The following NPSR1 variants were observed in gnomAD, a reference collection of about 807,000 sequenced individuals.
The protein encoded by NPSR1 is neuropeptide S receptor.
Under a neutral mutation model 46.9 loss-of-function variants are expected in NPSR1, and 48 were observed. The observed-to-expected ratio is 1.02, with a 90% confidence interval of 0.81 to 1.30. The LOEUF is 1.30. Among genes scored for constraint, NPSR1 ranks in the 50% most tolerant of loss-of-function variants. The probability of loss-of-function intolerance (pLI) is 0.00; values close to 1 mark genes in which losing one functional copy is unlikely to be tolerated. For synonymous variants in NPSR1, 176 were observed against 168.1 expected (o/e 1.05, Z -0.36); for missense variants, 450 against 449.5 (o/e 1.00, Z -0.01).
At chr7:34,832,160 A>G (rs776931680) in intron 5 of NPSR1, among the ~76,000 whole-genome samples, 11 of 152,248 alleles carry the variant, frequency 7.2e-5, no homozygotes, top group Non-Finnish European at 1.2e-4. Context: ...ATGGAGAGGA[A>G]GGTACAGATT....
chr7:34,813,577 C>T (rs543779650), intron 4 of NPSR1, among the ~76,000 whole-genome samples: 33 of 152,268 alleles, frequency 2.2e-4, no homozygotes, highest in Middle Eastern at 3.4e-3. Flanking sequence ...CACAAAAATC[C>T]ATGTGAACGA....
chr7:34,789,441 C>T (rs780222346), intron 3 of NPSR1, among the ~76,000 whole-genome samples: 13 of 151,752 alleles, frequency 8.6e-5, no homozygotes, highest in Non-Finnish European at 1.8e-4. Flanking sequence ...GAAATGAAAG[C>T]TGAGACATTA....
intron 2 of NPSR1, among the ~76,000 whole-genome samples, chr7:34,702,188 C>T (rs987814934): frequency 6.6e-6 from 1 of 152,138 alleles, no homozygotes; most frequent in African/African-American, 2.4e-5. Context: ...TCATCATGCC[C>T]AAATTCTAGC....
chr7:34,869,331 A>G (rs533720502), intron 8 of NPSR1, among the ~76,000 whole-genome samples: 2 of 151,982 alleles, frequency 1.3e-5, no homozygotes, highest in South Asian at 4.1e-4. Flanking sequence ...CCAGTCATTC[A>G]CAGTACTGCA....
chr7:34,743,526 C>T lies in NPSR1; in HGVS notation c.281-34936C>T, dbSNP rs188941889. 5.5e-4 allele frequency among the ~76,000 whole-genome samples: 84 copies of T among 151,908 alleles called. 1 individual carries two copies. The highest frequency in any genetic ancestry group is 1.1e-3 in the Admixed American group (16 of 15,234). ...CATGATCTTGGCGCACTGCAACCTC[C>T]GCCTCCTGGGTTCAAGCAATTCTCT... is the stretch of plus-strand genomic sequence containing the variant. On this transcript the variant is annotated intron_variant, in intron 2 of 8. Coordinates refer to ENST00000360581, the MANE Select transcript of NPSR1 (RefSeq NM_207172.2).
chr7:34,702,445 T>A lies in NPSR1; in HGVS notation c.280+17761T>A, dbSNP rs145254833. Among the ~76,000 whole-genome samples, 64 of 152,342 alleles carry A rather than the reference T, an allele frequency of 4.2e-4. No individual in the cohort carries two copies. In the East Asian group the frequency reaches 0.012, roughly 28 times the overall value. ...GGAGAAATAGAATTAAGGAACAGTC[T>A]CTGGCATAGCTTGTTCTCCATACTT... On this transcript the variant is annotated intron_variant, in intron 2 of 8. Transcript: ENST00000360581.
At chr7:34,696,590 C>A (rs323907) in intron 2 of NPSR1, among the ~76,000 whole-genome samples, 2 of 151,586 alleles carry the variant, frequency 1.3e-5, no homozygotes, top group African/African-American at 4.8e-5. Flanking sequence ...TTAAACTTAG[C>A]GGCAAATTAA....
At chr7:34,711,063 C>A in intron 2 of NPSR1, 1 of 333,076 alleles carries the variant, frequency 3.0e-6, no homozygotes, top group Non-Finnish European at 5.9e-6. Flanking sequence ...GATGTGAGCC[C>A]AAAGGTCCAA....
intron 3 of NPSR1, among the ~76,000 whole-genome samples, chr7:34,805,555 TATAAC>T (rs912087905): frequency 1.3e-5 from 2 of 148,344 alleles, no homozygotes; most frequent in African/African-American, 5.0e-5. Flanking sequence ...AGATCATAGA[TATAAC>T]ATAATGCTCA....
chr7:34,722,105 T>TA (rs1046223159), intron 2 of NPSR1, among the ~76,000 whole-genome samples: 13 of 151,424 alleles, frequency 8.6e-5, no homozygotes, highest in East Asian at 1.9e-4. Context: ...GTTTCATTAG[T>TA]AAAAAAAAAT....
At chr7:34,694,584 C>A (rs1386829715) in intron 2 of NPSR1, among the ~76,000 whole-genome samples, 1 of 152,172 alleles carries the variant, frequency 6.6e-6, no homozygotes, top group Non-Finnish European at 1.5e-5. Flanking sequence ...TTAAAATGAC[C>A]ATACTTCCCA....
chr7:34,688,061 G>T (rs1319765749), intron 2 of NPSR1, among the ~76,000 whole-genome samples: 2 of 152,098 alleles, frequency 1.3e-5, no homozygotes, highest in East Asian at 3.9e-4. Flanking sequence ...GTTTCCATTG[G>T]TACTGCTGAA....
chr7:34,815,566 G>A (rs544380070), intron 4 of NPSR1, among the ~76,000 whole-genome samples: 1 of 152,034 alleles, frequency 6.6e-6, no homozygotes, highest in South Asian at 2.1e-4. Flanking sequence ...GAAATACAGA[G>A]AACACCACAA....
intron 3 of NPSR1, among the ~76,000 whole-genome samples, chr7:34,792,646 T>TAC (rs1235174533): frequency 8.2e-6 from 1 of 121,768 alleles, no homozygotes; most frequent in African/African-American, 3.3e-5. Context: ...TATGTGTATA[T>TAC]ATATATGTAT....
Position 34,823,399 on chromosome 7 carries a change from G to GAAAAAAAAAAAAAAAAAAAA in NPSR1, c.479-3985_479-3984insAAAAAAAAAAAAAAAAAAAA, listed in dbSNP as rs577186339. Among the ~76,000 whole-genome samples, 261 of 67,670 alleles carry GAAAAAAAAAAAAAAAAAAAA rather than the reference G, an allele frequency of 3.9e-3. 7 individuals are homozygous for GAAAAAAAAAAAAAAAAAAAA. The highest frequency in any genetic ancestry group is 9.1e-3 in the East Asian group (15 of 1,654). The allele number at this position is 67,670 out of a possible 152,430, so 44.4% of individuals were successfully genotyped here. Reference sequence around the variant, plus strand: ...TTGGCAACAGAGCAAGACTTCACCAGAAAAAAAAAAAAAAAAACAACACCA... The same window carrying GAAAAAAAAAAAAAAAAAAAA: ...TTGGCAACAGAGCAAGACTTCACCAGAAAAAAAAAAAAAAAAAAAAAAAAAAAAAAAAAAAAACAACACCA... On this transcript the variant is annotated intron_variant, in intron 4 of 8. Transcript: ENST00000360581.
intron 2 of NPSR1, among the ~76,000 whole-genome samples, chr7:34,731,222 ACTTT>A (rs1306229942): frequency 6.6e-6 from 1 of 152,180 alleles, no homozygotes; most frequent in Non-Finnish European, 1.5e-5. Context: ...CTAAAAAAGG[ACTTT>A]CTACAAATCA....
In NPSR1 at chr7:34,827,491, T is replaced by C; in HGVS notation, c.569T>C (p.Leu190Pro). The change falls in exon 5 of 9, where the codon CTG (leucine) becomes CCG (proline). Residue 190 changes from leucine to proline, a missense_variant. Coordinates refer to ENST00000360581, the MANE Select transcript of NPSR1 (RefSeq NM_207172.2). Reference sequence around the variant, plus strand: ...CTGATCATATTTGGGAAGAGGACACTGTCCAACGGTGAAGTGCAGTGCTGG... The same window carrying C: ...CTGATCATATTTGGGAAGAGGACACCGTCCAACGGTGAAGTGCAGTGCTGG... ...PTLIIFGKRTLSNGEVQCWAL... is the reference protein window; with the variant it reads ...PTLIIFGKRTPSNGEVQCWAL... 2 of 1,614,138 alleles carry C rather than the reference T, an allele frequency of 1.2e-6. No individual in the cohort carries two copies. Among genetic ancestry groups the C allele is most frequent in the South Asian group, 1.1e-5 (1 of 91,074 alleles).
At chr7:34,750,615 T>C (rs1279051656) in intron 2 of NPSR1, 8 of 687,652 alleles carry the variant, frequency 1.2e-5, no homozygotes, top group Admixed American at 1.9e-5. Context: ...TCATCTATTA[T>C]AGCCTTGCCC....
chr7:34,791,286 G>T (rs1417784975), intron 3 of NPSR1, among the ~76,000 whole-genome samples: 2 of 135,676 alleles, frequency 1.5e-5, no homozygotes, highest in East Asian at 2.1e-4. Context: ...ATATAATATA[G>T]ATAATATATA....
Sources: allele counts gnomAD v4.1 joint callset (sites outside exome capture counted in the v4.1 genomes callset), GRCh38; gene constraint gnomAD v4.1.1; transcripts MANE v1.5; gene names NCBI Gene and HGNC (gene_info 2026-07-23, HGNC 2026-07-21).